RRBP1: variants seen among roughly 807,000 people sequenced by gnomAD.
The protein encoded by RRBP1 is ribosome binding protein 1, also known as ribosome-binding protein 1.
RRBP1 carries 94 observed loss-of-function variants against 165.2 expected under a neutral mutation model. The observed-to-expected ratio is 0.57, with a 90% confidence interval of 0.48 to 0.68. RRBP1 has a LOEUF of 0.68. Among genes scored for constraint, RRBP1 ranks in the 30% least tolerant of loss-of-function variants. The pLI, the probability that RRBP1 is intolerant of heterozygous loss-of-function variation, is 0.00. For synonymous variants in RRBP1, 680 were observed against 714.5 expected, an observed-to-expected ratio of 0.95 and a Z score of 0.77; for missense variants, 1,676 against 1,763.0, an observed-to-expected ratio of 0.95 and a Z score of 0.88.
At chr20:17,635,764 C>A in intron 6 of RRBP1, 100 bp from the exon 7 acceptor site, 2 of 857,582 alleles carry the variant, frequency 2.3e-6, no homozygotes, top group Non-Finnish European at 1.9e-6. Flanking sequence ...CAAAAGAAAA[C>A]CCCCAAAAGC....
At chr20:17,625,798 C>T (rs570005825) in intron 11 of RRBP1, among the ~76,000 whole-genome samples, 196 bp from the exon 12 acceptor site, 71 of 152,260 alleles carry the variant, frequency 4.7e-4, no homozygotes, top group African/African-American at 1.7e-3. Context: ...CCCTCCCCTC[C>T]CCCCGCCATC....
At chr20:17,672,298 G>C (rs1357812628) in intron 2 of RRBP1, among the ~76,000 whole-genome samples, 1 of 152,186 alleles carries the variant, frequency 6.6e-6, no homozygotes, top group Non-Finnish European at 1.5e-5. Flanking sequence ...TAACTCCTTG[G>C]AGAAGAGCTG....
chr20:17,644,237 C>T (rs73262647), intron 3 of RRBP1, among the ~76,000 whole-genome samples: 367 of 152,266 alleles, frequency 2.4e-3, no homozygotes, highest in African/African-American at 8.0e-3. Context: ...TAACTTCTTA[C>T]CCTGGTGAGG....
At chr20:17,632,887 C>A (rs555343009) in intron 8 of RRBP1, among the ~76,000 whole-genome samples, 6 of 152,114 alleles carry the variant, frequency 3.9e-5, no homozygotes, top group Non-Finnish European at 8.8e-5. Context: ...AGAACAGGCA[C>A]CCTCCTGGGA....
chr20:17,629,687 G>T, intron 9 of RRBP1, 136 bp downstream of exon 9: 1 of 893,378 alleles, frequency 1.1e-6, no homozygotes, highest in East Asian at 2.5e-5. Context: ...ACTTTCTGAG[G>T]GGCAGTCAAG....
chr20:17,677,689 A>G (rs936617979), intron 2 of RRBP1, among the ~76,000 whole-genome samples: 1 of 152,198 alleles, frequency 6.6e-6, no homozygotes, highest in South Asian at 2.1e-4. Context: ...AAAATACAAA[A>G]TTAGCCGGGT....
In RRBP1 at chr20:17,620,722, A is replaced by G. The variant is rs1284810092; in HGVS notation, c.3500T>C (p.Leu1167Pro). The G allele has an allele frequency of 6.2e-7, 1 of 1,604,446 alleles. No individual in the cohort carries two copies. Among genetic ancestry groups the G allele is most frequent in the Non-Finnish European group, 8.5e-7 (1 of 1,179,078 alleles). The change falls in exon 17 of 25, where the codon CTC becomes CCC. Residue 1167 changes from leucine to proline, a missense_variant. Physicochemically the swap from Leu to Pro is moderately conservative, Grantham distance 98. This residue lies in a region of RRBP1 where 1,184 missense variants were observed against 1,167.1 expected (regional missense o/e 1.01). Coordinates refer to ENST00000377813, the MANE Select transcript of RRBP1 (RefSeq NM_001365613.2). Reference sequence around the variant, plus strand: ...AGGCAGGGCTGCATATACCTTCTGGAGCTCCTCCTCTGCGGCGCCCACCTT... The same window carrying G: ...AGGCAGGGCTGCATATACCTTCTGGGGCTCCTCCTCTGCGGCGCCCACCTT... ...RAKVGAAEEE[L>P]QKSRVTVKHL...
intron 2 of RRBP1, among the ~76,000 whole-genome samples, chr20:17,666,477 A>G (rs1239768269): frequency 3.3e-5 from 5 of 152,234 alleles, no homozygotes; most frequent in Non-Finnish European, 7.3e-5. Context: ...GCTACAGACA[A>G]CCAGCAAAGT....
chr20:17,619,964 A>C (rs2035877183), intron 18 of RRBP1: 1 of 544,046 alleles, frequency 1.8e-6, no homozygotes. Context: ...TACTTGCAAA[A>C]GCAGGTACCA....
chr20:17,616,742 T>A lies in RRBP1; in HGVS notation c.3857A>T (p.Asp1286Val), dbSNP rs1412208106. The A allele has an allele frequency of 1.9e-6, 3 of 1,608,844 alleles. No individual in the cohort carries two copies. The African/African-American group carries it at 4.0e-5, about 22-fold the overall frequency. Residue 1286 changes from aspartate to valine, a missense_variant, in exon 21 of 25, where the codon GAC (aspartate) becomes GTC (valine). This residue lies in a region of RRBP1 where 1,184 missense variants were observed against 1,167.1 expected (regional missense o/e 1.01). Transcript: ENST00000377813. ...GCTCACCGCCCTAACCTGAACGGGG[T>A]CCTGCTCGGCTGGGGGCGCCTCTGG... is the stretch of plus-strand genomic sequence containing the variant. ...SSPEAPPAEQ[D>V]PVQLKTQLEW...
intron 7 of RRBP1, among the ~76,000 whole-genome samples, chr20:17,634,775 G>A (rs965203137): frequency 3.9e-5 from 6 of 152,218 alleles, no homozygotes; most frequent in Non-Finnish European, 7.3e-5. Context: ...CCAGCCGATG[G>A]CTCAGGAAGG....
At position 17,635,631 on chromosome 20, in the gene RRBP1, G is replaced by T; in HGVS notation, c.2371C>A (p.Pro791Thr). 1 of 1,613,534 alleles carries T rather than the reference G, an allele frequency of 6.2e-7. No homozygotes were observed. The highest frequency in any genetic ancestry group is 1.7e-4 in the Middle Eastern group (1 of 6,054). Residue 791 changes from proline to threonine, a missense_variant, in exon 7 of 25, where the codon CCC becomes ACC. Transcript: ENST00000377813. ...TGCAGGCGGGCCAGCTGCGTGTTGG[G>T]GCCATTCTCCAGCTGCTCCTGAAGA... ...RTLQEQLENGPNTQLARLQQE... is the reference protein window; with the variant it reads ...RTLQEQLENGTNTQLARLQQE...
intron 3 of RRBP1, among the ~76,000 whole-genome samples, chr20:17,644,668 G>A (rs557260433): frequency 4.6e-5 from 7 of 152,174 alleles, no homozygotes; most frequent in East Asian, 1.9e-4. Context: ...TCAGAAAAGC[G>A]TCCTGCGCCG....
chr20:17,647,535 G>A (rs1279084332), intron 3 of RRBP1, among the ~76,000 whole-genome samples: 1 of 152,226 alleles, frequency 6.6e-6, no homozygotes. Flanking sequence ...GGATGCGGCT[G>A]GAAGCAGGCA....
intron 11 of RRBP1, 56 bp from the exon 12 acceptor site, chr20:17,625,658 G>A: frequency 7.1e-7 from 1 of 1,405,556 alleles, no homozygotes; most frequent in Non-Finnish European, 1.0e-6. Context: ...AGCCCCTACA[G>A]ATCCCACCTG....
chr20:17,626,289 C>T (rs896394730), intron 11 of RRBP1, among the ~76,000 whole-genome samples: 1 of 152,224 alleles, frequency 6.6e-6, no homozygotes, highest in Non-Finnish European at 1.5e-5. Context: ...TCTTAAAACA[C>T]AAGAGCAAAA....
chr20:17,632,946 C>T (rs1306816335), intron 8 of RRBP1, among the ~76,000 whole-genome samples: 1 of 152,224 alleles, frequency 6.6e-6, no homozygotes, highest in Non-Finnish European at 1.5e-5. Context: ...AGAAACCCCA[C>T]TGGCCTTGAA....
chr20:17,645,197 T>C (rs2036441239), intron 3 of RRBP1, among the ~76,000 whole-genome samples: 1 of 152,172 alleles, frequency 6.6e-6, no homozygotes, highest in South Asian at 2.1e-4. Context: ...ATAAGGCAGC[T>C]GGAGGGCACG....
chr20:17,635,778 C>T, intron 6 of RRBP1, 114 bp from the exon 7 acceptor site: 1 of 780,960 alleles, frequency 1.3e-6, no homozygotes, highest in South Asian at 1.5e-5. Context: ...CAAAAGCCTC[C>T]ACCTTTTCCA....
Sources: gnomAD v4.1 joint callset for allele counts (sites outside exome capture counted in the v4.1 genomes callset) on GRCh38, gnomAD v4.1.1 for gene constraint, gnomAD v4.1.1 regional missense constraint, MANE v1.5 for transcripts, NCBI Gene and HGNC (gene_info 2026-07-23, HGNC 2026-07-21) for gene names.